The following LIPI variants were observed in gnomAD, a reference collection of about 807,000 sequenced individuals.
LIPI encodes the protein lipase I, also known as lipase member I.
Under a neutral mutation model 50.6 loss-of-function variants are expected in LIPI, and 59 were observed. The observed-to-expected ratio is 1.16, with a 90% CI of 0.94 to 1.45. LIPI has a LOEUF of 1.45. LIPI is among the 40% of genes most tolerant of loss of function. The pLI is 0.00. For synonymous variants in LIPI, 203 were observed against 178.2 expected (o/e 1.14, Z -1.11); for missense variants, 586 against 536.3 (o/e 1.09, Z -0.92).
intron 8 of LIPI, among the ~76,000 whole-genome samples, chr21:14,150,612 T>C (rs2018055090): frequency 6.6e-6 from 1 of 152,162 alleles, no homozygotes; most frequent in South Asian, 2.1e-4. Flanking sequence ...TAGCCAAAAA[T>C]CCTGTTTTTG....
intron 6 of LIPI, among the ~76,000 whole-genome samples, chr21:14,164,390 G>T (rs1043459848): frequency 3.3e-5 from 5 of 152,146 alleles, no homozygotes; most frequent in East Asian, 1.9e-4. Context: ...AGACAGAAAA[G>T]TCTATGAGAA....
intron 7 of LIPI, among the ~76,000 whole-genome samples, chr21:14,157,097 G>T (rs926963263): frequency 3.3e-5 from 5 of 151,822 alleles, no homozygotes; most frequent in African/African-American, 1.2e-4. Context: ...TATAAGACAG[G>T]GGTTGAAAGT....
chr21:14,124,995 A>G (rs35408176), intron 9 of LIPI, among the ~76,000 whole-genome samples: 15,050 of 117,790 alleles, frequency 0.13, 841 homozygotes, highest in Admixed American at 0.22. Flanking sequence ...CTCCACCTCG[A>G]AAAAAAAAAA....
intron 1 of LIPI, among the ~76,000 whole-genome samples, chr21:14,207,726 C>A (rs947849271): frequency 6.6e-6 from 1 of 152,010 alleles, no homozygotes; most frequent in South Asian, 2.1e-4. Context: ...TATGGTAGTT[C>A]ATGAAGCACA....
At chr21:14,111,059 A>C (rs938591835) in intron 9 of LIPI, among the ~76,000 whole-genome samples, 2 of 151,636 alleles carry the variant, frequency 1.3e-5, no homozygotes, top group African/African-American at 4.8e-5. Flanking sequence ...GGAAGTGCAG[A>C]TATCTCTTCA....
chr21:14,169,300 T>C (rs535348108), intron 4 of LIPI, among the ~76,000 whole-genome samples: 80 of 152,162 alleles, frequency 5.3e-4, no homozygotes, highest in Admixed American at 1.1e-3. Context: ...ATTAGACAGA[T>C]CAACGAGACA....
At chr21:14,188,374 C>G (rs866414691) in intron 2 of LIPI, among the ~76,000 whole-genome samples, 17 of 151,932 alleles carry the variant, frequency 1.1e-4, no homozygotes, top group African/African-American at 4.8e-5. Context: ...TCGAGACCAG[C>G]CTGGCCAACA....
At chr21:14,127,698 C>A (rs1177745817) in intron 9 of LIPI, among the ~76,000 whole-genome samples, 2 of 152,050 alleles carry the variant, frequency 1.3e-5, no homozygotes, top group Non-Finnish European at 2.9e-5. Context: ...TTTTCCCTTT[C>A]CTTTATAATA....
intron 8 of LIPI, among the ~76,000 whole-genome samples, chr21:14,148,617 T>C (rs1472574538): frequency 3.9e-5 from 6 of 152,224 alleles, no homozygotes; most frequent in Non-Finnish European, 8.8e-5. Flanking sequence ...TTGTAACTTA[T>C]TGCTTCTAGG....
chr21:14,202,674 A>G (rs567355513), intron 1 of LIPI, among the ~76,000 whole-genome samples: 36 of 152,320 alleles, frequency 2.4e-4, no homozygotes, highest in Non-Finnish European at 4.3e-4. Flanking sequence ...CCTTATACAA[A>G]AATTAATTCA....
chr21:14,143,020 C>A (rs2017769664), intron 9 of LIPI, among the ~76,000 whole-genome samples: 1 of 152,010 alleles, frequency 6.6e-6, no homozygotes, highest in African/African-American at 2.4e-5. Context: ...TATAGAAACT[C>A]TAGAAAAACC....
chr21:14,184,824 C>A (rs190431109), intron 3 of LIPI, among the ~76,000 whole-genome samples: 5 of 152,340 alleles, frequency 3.3e-5, no homozygotes, highest in Admixed American at 3.3e-4. Flanking sequence ...ACTGCTATTT[C>A]TTGACCCTCC....
intron 7 of LIPI, among the ~76,000 whole-genome samples, chr21:14,158,871 C>T (rs9979794): frequency 0.84 from 127,255 of 150,866 alleles, 53,942 homozygotes; most frequent in East Asian, 0.97. Flanking sequence ...CTACTGTTCA[C>T]AATTCAACAC....
chr21:14,153,040 G>C (rs1054874089), intron 7 of LIPI, among the ~76,000 whole-genome samples: 2 of 152,094 alleles, frequency 1.3e-5, no homozygotes, highest in Admixed American at 6.6e-5. Context: ...CAGATCTAAG[G>C]TGAATATGGT....
chr21:14,194,225 G>C (rs113752687), intron 1 of LIPI, among the ~76,000 whole-genome samples: 1,944 of 152,230 alleles, frequency 0.013, 34 homozygotes, highest in African/African-American at 0.044. Flanking sequence ...TGGTGTAGCT[G>C]CTGTGGAAAA....
intron 4 of LIPI, among the ~76,000 whole-genome samples, chr21:14,169,446 T>A (rs2018812516): frequency 1.3e-5 from 2 of 152,082 alleles, no homozygotes; most frequent in African/African-American, 4.8e-5. Context: ...ATTCCAAAAT[T>A]GACCACATAG....
At chr21:14,204,711 C>A (rs374726697) in intron 1 of LIPI, among the ~76,000 whole-genome samples, 3 of 151,854 alleles carry the variant, frequency 2.0e-5, no homozygotes, top group East Asian at 3.9e-4. Context: ...TAAAAGCAGT[C>A]AAAGGTGATG....
intron 1 of LIPI, among the ~76,000 whole-genome samples, chr21:14,200,378 TAAATTGATAA>T (rs2020010510): frequency 6.6e-6 from 1 of 152,016 alleles, no homozygotes. Context: ...AAATGCCTCT[TAAATTGATAA>T]AGAAGAACTT....
rs536345423 is a variant in LIPI, at chr21:14,111,460, G to T, written c.1296-2380C>A. Among the ~76,000 whole-genome samples the T allele has an allele frequency of 7.2e-4, 109 of 152,062 alleles. 5 individuals carry two copies. The South Asian group carries it at 0.022, about 31-fold the overall frequency. Reference sequence around the variant, plus strand: ...TTATTTGTTTTCTTGATATTGAGTTGTTTGAGTTCCTTATATATCTTGGAG... The same window carrying T: ...TTATTTGTTTTCTTGATATTGAGTTTTTTGAGTTCCTTATATATCTTGGAG... On this transcript the variant is annotated intron_variant, in intron 9 of 9. Transcript: ENST00000681601.
Sources: allele counts gnomAD v4.1 joint callset (sites outside exome capture counted in the v4.1 genomes callset), GRCh38; gene constraint gnomAD v4.1.1; transcripts MANE v1.5; gene names NCBI Gene and HGNC (gene_info 2026-07-23, HGNC 2026-07-21).